KCNQ3: variants seen among roughly 807,000 people sequenced by gnomAD.
The protein encoded by KCNQ3 is potassium voltage-gated channel subfamily KQT member 3.
Under a neutral mutation model 92.5 loss-of-function variants are expected in KCNQ3, and 30 were observed. The observed-to-expected ratio is 0.32, with a 90% CI of 0.24 to 0.44. The LOEUF (loss-of-function observed/expected upper bound fraction) is 0.44, where lower values mean the gene tolerates loss of function less well. KCNQ3 is among the 20% of genes least tolerant of loss of function. The pLI is 1.00. For synonymous variants in KCNQ3, 450 were observed against 468.8 expected (o/e 0.96, Z 0.52); for missense variants, 913 against 1,140.3 (o/e 0.80, Z 2.87).
chr8:132,233,853 G>T (rs537285272), intron 1 of KCNQ3, among the ~76,000 whole-genome samples: 1 of 151,362 alleles, frequency 6.6e-6, no homozygotes, highest in Non-Finnish European at 1.5e-5. Context: ...GTGGAGAAGC[G>T]GGCAAAAAAA....
At chr8:132,322,901 A>G (rs1399564701) in intron 1 of KCNQ3, among the ~76,000 whole-genome samples, 1 of 152,132 alleles carries the variant, frequency 6.6e-6, no homozygotes, top group Non-Finnish European at 1.5e-5. Context: ...ACATTTCCCC[A>G]TGCAGCCCAC....
rs61617161 is a variant in KCNQ3, at chr8:132,222,091, CT to C, written c.387-35911del. The stretch of plus-strand genomic sequence containing the variant: ...GGGATCTAATTAAACTAAAGAGCTT[CT>C]GCACAGCAAAAGAAACTACCATCAC... On this transcript the variant is annotated intron_variant, in intron 1 of 14. Coordinates refer to ENST00000388996, the MANE Select transcript of KCNQ3 (RefSeq NM_004519.4). 4.8e-3 allele frequency among the ~76,000 whole-genome samples: 730 copies of C among 152,310 alleles called. 9 individuals are homozygous for C. Among genetic ancestry groups the C allele is most frequent in the African/African-American group, 0.016 (684 of 41,576 alleles).
At chr8:132,134,454 A>C (rs1563764878) in intron 12 of KCNQ3, 66 bp from the exon 13 acceptor site, 18 of 1,132,150 alleles carry the variant, frequency 1.6e-5, no homozygotes, top group Non-Finnish European at 1.7e-5. Flanking sequence ...AAAACAAATC[A>C]TTCTATTCTC....
chr8:132,240,005 A>C (rs1467058151), intron 1 of KCNQ3, among the ~76,000 whole-genome samples: 4 of 152,080 alleles, frequency 2.6e-5, no homozygotes, highest in Non-Finnish European at 4.4e-5. Flanking sequence ...TACCTATTTT[A>C]TTACCCTGGA....
At chr8:132,154,226 C>T (rs1225025425) in intron 9 of KCNQ3, among the ~76,000 whole-genome samples, 2 of 51,316 alleles carry the variant, frequency 3.9e-5, no homozygotes, top group African/African-American at 1.3e-4. Flanking sequence ...TTTTTTTTAG[C>T]CAATCAGGCT....
At chr8:132,143,427 A>G (rs1825358669) in intron 9 of KCNQ3, among the ~76,000 whole-genome samples, 1 of 152,180 alleles carries the variant, frequency 6.6e-6, no homozygotes, top group Admixed American at 6.5e-5. Context: ...CTAGCAAGGC[A>G]AAGACTCTGC....
At position 132,305,109 on chromosome 8, in the gene KCNQ3, C is replaced by T. The variant is rs144270373; in HGVS notation, c.387-118928G>A. ...TCTAAGCTCCCTGTCTGGCTGGCTT[C>T]TGATAGAGTTTGGTTAATGGAAGTG... is the stretch of plus-strand genomic sequence containing the variant. On this transcript the variant is annotated intron_variant, in intron 1 of 14. Coordinates refer to ENST00000388996, the MANE Select transcript of KCNQ3 (RefSeq NM_004519.4). 7.8e-3 allele frequency among the ~76,000 whole-genome samples: 1,194 copies of T among 152,302 alleles called. 10 individuals carry two copies. The highest frequency in any genetic ancestry group is 0.013 in the Admixed American group (206 of 15,296).
intron 1 of KCNQ3, among the ~76,000 whole-genome samples, chr8:132,193,115 C>T (rs889081868): frequency 3.3e-5 from 5 of 152,164 alleles, no homozygotes; most frequent in African/African-American, 1.2e-4. Flanking sequence ...CCTTCTACAC[C>T]CTGCAGGAGT....
chr8:132,433,763 A>C (rs992736089), intron 1 of KCNQ3, among the ~76,000 whole-genome samples: 5 of 152,152 alleles, frequency 3.3e-5, no homozygotes, highest in African/African-American at 1.2e-4. Context: ...GGTGGTGCAC[A>C]CCTGTAATTC....
chr8:132,297,413 A>G (rs897569561), intron 1 of KCNQ3, among the ~76,000 whole-genome samples: 6 of 152,084 alleles, frequency 3.9e-5, no homozygotes, highest in African/African-American at 1.2e-4. Flanking sequence ...CCATTTGTCA[A>G]TTTTGGAAAA....
At chr8:132,362,185 CAA>C (rs949189899) in intron 1 of KCNQ3, among the ~76,000 whole-genome samples, 4 of 151,894 alleles carry the variant, frequency 2.6e-5, no homozygotes, top group African/African-American at 9.7e-5. Context: ...TACAATATTT[CAA>C]AAGAGACCAG....
intron 1 of KCNQ3, among the ~76,000 whole-genome samples, chr8:132,363,775 C>G (rs1819237802): frequency 6.6e-6 from 1 of 151,520 alleles, no homozygotes; most frequent in South Asian, 2.1e-4. Context: ...ACTCCTGCAT[C>G]CCACAGCTCC....
intron 1 of KCNQ3, among the ~76,000 whole-genome samples, chr8:132,199,173 C>T (rs534775907): frequency 3.3e-5 from 5 of 152,102 alleles, no homozygotes; most frequent in South Asian, 2.1e-4. Context: ...TGACAGGTGA[C>T]GATCTTGCAA....
At chr8:132,368,498 A>C (rs1284834911) in intron 1 of KCNQ3, among the ~76,000 whole-genome samples, 7 of 152,050 alleles carry the variant, frequency 4.6e-5, no homozygotes, top group Admixed American at 4.6e-4. Context: ...ACAAAAATAA[A>C]AATAAACAGC....
At chr8:132,148,627 G>C (rs1205977464) in intron 9 of KCNQ3, among the ~76,000 whole-genome samples, 1 of 152,222 alleles carries the variant, frequency 6.6e-6, no homozygotes, top group Non-Finnish European at 1.5e-5. Context: ...ATTAGCAGTT[G>C]AATCAGTAGA....
At chr8:132,272,412 C>T (rs865947017) in intron 1 of KCNQ3, among the ~76,000 whole-genome samples, 11 of 152,196 alleles carry the variant, frequency 7.2e-5, no homozygotes, top group South Asian at 2.1e-4. Context: ...CTAGAAGAGT[C>T]GGAATGCCTG....
At chr8:132,366,885 T>C (rs1173898094) in intron 1 of KCNQ3, among the ~76,000 whole-genome samples, 2 of 152,220 alleles carry the variant, frequency 1.3e-5, no homozygotes, top group Non-Finnish European at 2.9e-5. Flanking sequence ...CTTAATTTCA[T>C]AAGTGAGATT....
intron 1 of KCNQ3, among the ~76,000 whole-genome samples, chr8:132,224,103 T>TTTTTTTTTTTTTTTG: frequency 7.2e-6 from 1 of 138,026 alleles, no homozygotes; most frequent in Non-Finnish European, 1.6e-5. Context: ...TTTTTTTTTT[T>TTTTTTTTTTTTTTTG]TTTTTTGCTT....
chr8:132,305,529 G>T (rs771571756), intron 1 of KCNQ3, among the ~76,000 whole-genome samples: 5 of 152,112 alleles, frequency 3.3e-5, no homozygotes, highest in Non-Finnish European at 5.9e-5. Flanking sequence ...ATCCAGCTTA[G>T]TAAGATAACC....
Sources: gnomAD v4.1 joint callset for allele counts (sites outside exome capture counted in the v4.1 genomes callset) on GRCh38, gnomAD v4.1.1 for gene constraint, MANE v1.5 for transcripts, NCBI Gene and HGNC (gene_info 2026-07-23, HGNC 2026-07-21) for gene names.